Variants in SETD5 observed in about 807,000 individuals in gnomAD.
SETD5 encodes the protein histone-lysine N-methyltransferase SETD5.
A neutral mutation model predicts 153.3 loss-of-function variants in SETD5; 44 were observed. The ratio of observed to expected loss-of-function variants is 0.29; its 90% CI spans 0.23 to 0.37. The LOEUF is 0.37. SETD5 is among the 10% of genes least tolerant of loss of function. SETD5 has a pLI of 1.00. For missense variants in SETD5, 1,544 were observed against 1,768.0 expected (o/e 0.87, Z 2.27); for synonymous variants, 716 against 645.2 (o/e 1.11, Z -1.66).
chr3:9,455,168 C>CTTTTTTTTTTTTTTT lies in SETD5; in HGVS notation c.2476+1308_2476+1322dup, dbSNP rs903600741. 3.4e-4 allele frequency among the ~76,000 whole-genome samples: 34 copies of CTTTTTTTTTTTTTTT among 99,886 alleles called. 3 individuals are homozygous for CTTTTTTTTTTTTTTT. Among genetic ancestry groups the CTTTTTTTTTTTTTTT allele is most frequent in the East Asian group, 8.7e-4 (3 of 3,450 alleles). The allele number at this position is 99,886 out of a possible 152,430, so 65.5% of individuals were successfully genotyped here. The stretch of plus-strand genomic sequence containing the variant: ...GTGAATTGCCTTTTTTTCTTTTTTT[C>CTTTTTTTTTTTTTTT]TTTTTTTTTTTTTTTTTTTTTTGAA... On this transcript the variant is annotated intron_variant, in intron 17 of 22. Coordinates refer to ENST00000402198, the MANE Select transcript of SETD5 (RefSeq NM_001080517.3).
intron 1 of SETD5, chr3:9,398,537 C>T (rs2034143062): frequency 6.6e-6 from 1 of 152,448 alleles, no homozygotes; most frequent in Admixed American, 6.5e-5. Context: ...CCACCCCCAC[C>T]ACACGTTCTC....
At chr3:9,439,320 C>T (rs60708507) in intron 7 of SETD5, among the ~76,000 whole-genome samples, 10,303 of 152,118 alleles carry the variant, frequency 0.068, 511 homozygotes, top group Admixed American at 0.12. Context: ...CTTCTATACT[C>T]CTGTTCCTTG....
In SETD5 at chr3:9,434,331, C is replaced by T; in HGVS notation, c.178-3C>T. ...GACACCTCCTGCTTCTCCCCCTGTC[C>T]AGACGATCATCCCTCGTTCTGACCT... On this transcript the variant is annotated splice_region_variant and splice_polypyrimidine_tract_variant and intron_variant, in intron 4 of 22. Transcript: ENST00000402198. The surrounding 1 kb of genome is among the most constrained non-coding windows in gnomAD (Gnocchi z 5.6). 1 of 1,613,812 alleles carries T rather than the reference C, an allele frequency of 6.2e-7. No homozygotes were observed. Among genetic ancestry groups the T allele is most frequent in the Non-Finnish European group, 8.5e-7 (1 of 1,179,728 alleles).
chr3:9,447,417 A>G (rs993099563), intron 14 of SETD5, 110 bp downstream of exon 14: 34 of 1,420,148 alleles, frequency 2.4e-5, no homozygotes, highest in Admixed American at 1.6e-4. Flanking sequence ...CCATATCACA[A>G]TAAATAAGGC....
chr3:9,447,286 C>T lies in SETD5; in HGVS notation c.1761C>T (p.Thr587=), dbSNP rs566351904. The change falls in exon 14 of 23, where the codon ACC becomes ACT. Residue 587 remains threonine (T), a synonymous_variant. Coordinates refer to ENST00000402198, the MANE Select transcript of SETD5 (RefSeq NM_001080517.3). ...CCCCACAGAGTGTTGGTGTGAATAC[C>T]CGGAGGTCTTCCCAAGCAGGGGTAA... ...PSTPQSVGVN[T]RRSSQAGDIA... is the part of the protein sequence containing the mutation. 6.2e-7 allele frequency: 1 copy of T among 1,613,280 alleles called. No individual in the cohort carries two copies. The highest frequency in any genetic ancestry group is 2.2e-5 in the East Asian group (1 of 44,886).
At position 9,445,798 on chromosome 3, in the gene SETD5, A is replaced by T. The variant is rs142621258; in HGVS notation, c.1524+58A>T. The stretch of plus-strand genomic sequence containing the variant: ...TCATTCCTGCTACCTCCATCATGTG[A>T]ACCTCTTCTGTTCTCTTGACTTTGT... On this transcript the variant is annotated intron_variant, in intron 13 of 22. Transcript: ENST00000402198. The T allele has an allele frequency of 6.2e-6, 8 of 1,280,140 alleles. No homozygotes were observed. The African/African-American group carries it at 1.2e-4, about 19-fold the overall frequency. The allele number at this position is 1,280,140 out of a possible 1,614,324, so 79.3% of individuals were successfully genotyped here.
chr3:9,441,488 T>C (rs781167586), intron 8 of SETD5, 105 bp from the exon 9 acceptor site: 32 of 1,142,438 alleles, frequency 2.8e-5, no homozygotes, highest in Non-Finnish European at 4.1e-5. Flanking sequence ...CATGTACAGA[T>C]AAAACCTGAA....
intron 2 of SETD5, among the ~76,000 whole-genome samples, chr3:9,426,847 C>T (rs567925043): frequency 1.3e-5 from 2 of 152,234 alleles, no homozygotes; most frequent in African/African-American, 4.8e-5. Flanking sequence ...CCAGTCATTT[C>T]CCAGCCCAGC....
intron 3 of SETD5, chr3:9,432,169 C>A: frequency 2.8e-6 from 1 of 361,714 alleles, no homozygotes; most frequent in Non-Finnish European, 3.8e-6. Context: ...TTGATGTACC[C>A]CTCCCCCGTT....
chr3:9,474,333 C>G (rs1201785907), intron 20 of SETD5, 116 bp from the exon 21 acceptor site: 3 of 1,215,072 alleles, frequency 2.5e-6, no homozygotes, highest in East Asian at 5.0e-5. Flanking sequence ...TAAATTGGTT[C>G]TGAAGAAAGT....
chr3:9,429,224 ATAAT>A (rs2039670924), intron 3 of SETD5: 2 of 324,966 alleles, frequency 6.2e-6, no homozygotes, highest in Non-Finnish European at 1.1e-5. Flanking sequence ...TTCTGGGCAA[ATAAT>A]TAATAGAACC....
intron 14 of SETD5, among the ~76,000 whole-genome samples, 171 bp downstream of exon 14, chr3:9,447,478 A>G (rs1241313256): frequency 2.0e-5 from 3 of 152,234 alleles, no homozygotes; most frequent in Non-Finnish European, 4.4e-5. Flanking sequence ...ATAAATGCTT[A>G]TTAGAAATAA....
chr3:9,432,445 A>G (rs2040075736), intron 3 of SETD5: 1 of 251,960 alleles, frequency 4.0e-6, no homozygotes, highest in Admixed American at 6.5e-5. Context: ...TAAGCAGGAA[A>G]AAATGACTTG....
At chr3:9,405,385 C>G (rs2125452875) in intron 1 of SETD5, among the ~76,000 whole-genome samples, 1 of 152,040 alleles carries the variant, frequency 6.6e-6, no homozygotes, top group South Asian at 2.1e-4. Flanking sequence ...GTATGTTTAC[C>G]CTATTACCTT....
intron 17 of SETD5, chr3:9,454,200 G>T (rs994151268): frequency 1.3e-5 from 2 of 157,726 alleles, no homozygotes; most frequent in Non-Finnish European, 2.8e-5. Flanking sequence ...ATTCAGGAAA[G>T]AATTAAAATT....
intron 1 of SETD5, among the ~76,000 whole-genome samples, chr3:9,409,766 A>G (rs925353263): frequency 3.9e-5 from 6 of 152,200 alleles, no homozygotes; most frequent in African/African-American, 1.4e-4. Flanking sequence ...TCTTTTTAAA[A>G]ATATCACTTG....
intron 2 of SETD5, among the ~76,000 whole-genome samples, chr3:9,427,472 G>A (rs1239112100): frequency 2.6e-5 from 4 of 152,146 alleles, no homozygotes; most frequent in Non-Finnish European, 5.9e-5. Context: ...ATCTCTTGAA[G>A]CCAGGAGGCG....
intron 16 of SETD5, among the ~76,000 whole-genome samples, chr3:9,449,132 A>G (rs940654419): frequency 2.0e-5 from 3 of 152,240 alleles, no homozygotes; most frequent in Non-Finnish European, 4.4e-5. Flanking sequence ...TAATTGGCAT[A>G]ATTCCTGTTC....
At chr3:9,456,581 G>A (rs1363108181) in intron 17 of SETD5, among the ~76,000 whole-genome samples, 1 of 151,634 alleles carries the variant, frequency 6.6e-6, no homozygotes, top group South Asian at 2.1e-4. Context: ...TGTATATAAA[G>A]TTCTCAATAT....
Sources: gnomAD v4.1 joint callset for allele counts (sites outside exome capture counted in the v4.1 genomes callset) on GRCh38, gnomAD v4.1.1 for gene constraint, Gnocchi (gnomAD v3.1) non-coding constraint, MANE v1.5 for transcripts, NCBI Gene and HGNC (gene_info 2026-07-23, HGNC 2026-07-21) for gene names.